TTN: variants seen among roughly 807,000 people sequenced by gnomAD.
The protein encoded by TTN is connectin.
Under a neutral mutation model 3,223.0 loss-of-function variants are expected in TTN, and 1,525 were observed. That is an observed-to-expected ratio of 0.47 (90% confidence interval 0.45 to 0.49). The LOEUF (loss-of-function observed/expected upper bound fraction) is 0.49. TTN is among the 20% of genes least tolerant of loss of function. The pLI is 0.00. For synonymous variants in TTN, 14,094 were observed against 15,161.0 expected (o/e 0.93, Z 5.17); for missense variants, 40,786 against 43,424.0 (o/e 0.94, Z 5.40).
rs560058694 is a variant in TTN at position 178,744,467 on chromosome 2, T to C, written c.11312-2546A>G. The C allele has an allele frequency of 4.9e-5, 42 of 858,888 alleles. No individual in the cohort carries two copies. The African/African-American group carries it at 7.5e-4, about 15-fold the overall frequency. 53.2% of individuals were successfully genotyped at this position (858,888 alleles called of 1,614,324 possible). On this transcript the variant is annotated intron_variant, in intron 47 of 362. Coordinates refer to ENST00000589042, the MANE Select transcript of TTN (RefSeq NM_001267550.2). Reference sequence around the variant, plus strand: ...GGTCCACATTAGTATATAGGTAAGATATTAAGGAGTATGTTAATTTACTGT... The same window carrying C: ...GGTCCACATTAGTATATAGGTAAGACATTAAGGAGTATGTTAATTTACTGT...
Position 178,732,290 on chromosome 2 carries a change from G to T in TTN, c.16679C>A (p.Ala5560Asp), listed in dbSNP as rs1203322735. 20 of 1,613,300 alleles carry T rather than the reference G, an allele frequency of 1.2e-5. No homozygotes were observed. The highest frequency in any genetic ancestry group is 6.7e-5 in the Admixed American group (4 of 59,994). ...EPSQLLKKGD[A>D]TQLACKVTGT... is the part of the protein sequence containing the mutation. ...AGTTACTTTGCAGGCTAGCTGGGTG[G>T]CATCTCCCTTCTTTAACAGCTGTGA... is the stretch of plus-strand genomic sequence containing the variant. Residue 5560 changes from alanine (A) to aspartate (D), a missense_variant, in exon 57 of 363, where the codon GCC becomes GAC. Physicochemically the swap from Ala to Asp is moderately radical, Grantham distance 126. Transcript: ENST00000589042.
intron 202 of TTN, 23 bp downstream of exon 202, chr2:178,652,435 A>C: frequency 6.2e-7 from 1 of 1,613,238 alleles, no homozygotes; most frequent in Non-Finnish European, 8.5e-7. Context: ...GATCATCTGA[A>C]GCCTAAAATC....
At chr2:178,791,910 T>C (rs2093525090) in intron 10 of TTN, among the ~76,000 whole-genome samples, 162 bp downstream of exon 10, 1 of 152,186 alleles carries the variant, frequency 6.6e-6, no homozygotes, top group Non-Finnish European at 1.5e-5. Flanking sequence ...AATGTGAACA[T>C]AATTTCCATC....
Position 178,580,019 on chromosome 2 carries a change from G to C in TTN, c.67268C>G (p.Ser22423Cys). 4.3e-6 allele frequency: 7 copies of C among 1,613,304 alleles called. No individual in the cohort carries two copies. The highest frequency in any genetic ancestry group is 5.9e-6 in the Non-Finnish European group (7 of 1,179,502). Residue 22423 changes from serine (S) to cysteine (C), a missense_variant, in exon 318 of 363, where the codon TCC becomes TGC. By Grantham distance (112) the Ser-to-Cys change is moderately radical (BLOSUM62 -1). Coordinates refer to ENST00000589042, the MANE Select transcript of TTN (RefSeq NM_001267550.2). ...FRVANLEEGK[S>C]YFFRVFAENE... The stretch of plus-strand genomic sequence containing the variant: ...TTCAGCAAACACTCGGAAGAAGTAG[G>C]ATTTTCCCTCCTCCAAATTAGCTAC...
At position 178,634,427 on chromosome 2, in the gene TTN, A is replaced by C; in HGVS notation, c.42354T>G (p.Asp14118Glu). ...CCACCTCAGCAGTATAGACCCCTTC[A>C]TCATCAAATTGAGAATCATTAATAA... Reference protein sequence around the residue: ...ILVINDSQFDDEGVYTAEVEG... With the variant: ...ILVINDSQFDEEGVYTAEVEG... The change falls in exon 230 of 363, where the codon GAT becomes GAG. Residue 14118 changes from aspartate (D) to glutamate (E), a missense_variant. By Grantham distance (45) the Asp-to-Glu change is conservative. Coordinates refer to ENST00000589042, the MANE Select transcript of TTN (RefSeq NM_001267550.2). The surrounding 1 kb of genome is among the most constrained non-coding windows in gnomAD (Gnocchi z 4.6). 2 of 1,613,084 alleles carry C rather than the reference A, an allele frequency of 1.2e-6. No individual in the cohort carries two copies. Among genetic ancestry groups the C allele is most frequent in the Non-Finnish European group, 1.7e-6 (2 of 1,179,474 alleles).
chr2:178,620,818 G>C lies in TTN; in HGVS notation c.45792C>G (p.Leu15264=), dbSNP rs754067884. The C allele has an allele frequency of 2.0e-5, 32 of 1,612,712 alleles. No individual in the cohort carries two copies. Among genetic ancestry groups the C allele is most frequent in the African/African-American group, 2.7e-5 (2 of 74,914 alleles). Residue 15264 remains leucine, a synonymous_variant, in exon 247 of 363, where the codon CTC becomes CTG. Coordinates refer to ENST00000589042, the MANE Select transcript of TTN (RefSeq NM_001267550.2). Reference sequence around the variant, plus strand: ...CATCTAAGTGTGCATCTCTAATTCTGAGGGTGTAGACTAGGTCTTTTTGGA... The same window carrying C: ...CATCTAAGTGTGCATCTCTAATTCTCAGGGTGTAGACTAGGTCTTTTTGGA... The part of the protein sequence containing the change: ...IILQKDLVYT[L]RIRDAHLDDQ...
At chr2:178,549,896 T>C (rs763248200) in intron 337 of TTN, 27 bp from the exon 338 acceptor site, 40 of 1,538,064 alleles carry the variant, frequency 2.6e-5, no homozygotes, top group Non-Finnish European at 3.2e-5. Context: ...CTAGAGTTAG[T>C]TTCTTTTTCC....
chr2:178,673,557 C>A, intron 152 of TTN, 76 bp downstream of exon 152: 1 of 1,206,022 alleles, frequency 8.3e-7, no homozygotes, highest in South Asian at 1.7e-5. Flanking sequence ...AGAAGGCAGT[C>A]AAAAAAGAAA....
chr2:178,697,519 T>C (rs2073950444), intron 112 of TTN, among the ~76,000 whole-genome samples: 2 of 152,138 alleles, frequency 1.3e-5, no homozygotes, highest in South Asian at 4.1e-4. Flanking sequence ...AATAACACAT[T>C]AGACTTTTTC....
intron 293 of TTN, 31 bp from the exon 294 acceptor site, chr2:178,597,850 T>A: frequency 6.2e-7 from 1 of 1,612,470 alleles, no homozygotes; most frequent in Admixed American, 1.7e-5. Context: ...CAAATGTGAT[T>A]TTTCCCCTTC....
chr2:178,722,718 G>T lies in TTN; in HGVS notation c.22181C>A (p.Thr7394Lys). The change falls in exon 76 of 363, where the codon ACA becomes AAA. Residue 7394 changes from threonine to lysine, a missense_variant. Thr to Lys is a moderately conservative substitution (Grantham distance 78, BLOSUM62 -1). Transcript: ENST00000589042. ...KVNINDSGEY[T>K]CKAENSIGTA... ...TCCTATACTATTTTCTGCTTTGCAT[G>T]TGTACTCTCCACTGTCATTGATGTT... 1 of 1,613,138 alleles carries T rather than the reference G, an allele frequency of 6.2e-7. No individual in the cohort carries two copies.
chr2:178,650,603 T>C, intron 209 of TTN, 148 bp downstream of exon 209: 1 of 836,472 alleles, frequency 1.2e-6, no homozygotes, highest in Non-Finnish European at 1.8e-6. Flanking sequence ...GATTTGAGAT[T>C]GGAGCTAATT....
Position 178,569,851 on chromosome 2 carries a change from GCTC to G in TTN, c.76278_76280del (p.Trp25426_Ser25427delinsCys). Reference sequence around the variant, plus strand: ...CACAGCCACCATCATATATTGGTTTGCTCCAAGAAAGGAATACTGAAGATCTGG... The same window carrying G: ...CACAGCCACCATCATATATTGGTTTGCAAGAAAGGAATACTGAAGATCTGG... On this transcript the variant is annotated inframe_deletion, in exon 326 of 363. Transcript: ENST00000589042. 1 of 1,613,362 alleles carries G rather than the reference GCTC, an allele frequency of 6.2e-7. No homozygotes were observed. The highest frequency in any genetic ancestry group is 8.5e-7 in the Non-Finnish European group (1 of 1,179,608).
Position 178,547,880 on chromosome 2 carries a change from C to A in TTN, c.93746G>T (p.Trp31249Leu). The change falls in exon 339 of 363, where the codon TGG (tryptophan) becomes TTG (leucine). Residue 31249 changes from tryptophan (W) to leucine (L), a missense_variant. Physicochemically the swap from Trp to Leu is moderately conservative, Grantham distance 61 (BLOSUM62 -2). Coordinates refer to ENST00000589042, the MANE Select transcript of TTN (RefSeq NM_001267550.2). ...ISGRPAPKVT[W>L]KLEEMRLKET... Reference sequence around the variant, plus strand: ...TTTAAGTCTCATTTCTTCCAGTTTCCATGTTACTTTGGGGGCAGGACGACC... The same window carrying A: ...TTTAAGTCTCATTTCTTCCAGTTTCAATGTTACTTTGGGGGCAGGACGACC... 6.2e-7 allele frequency: 1 copy of A among 1,613,766 alleles called. No individual in the cohort carries two copies. The highest frequency in any genetic ancestry group is 8.5e-7 in the Non-Finnish European group (1 of 1,179,820).
Position 178,669,347 on chromosome 2 carries a change from A to G in TTN, c.35545+26T>C, listed in dbSNP as rs753116930. On this transcript the variant is annotated intron_variant, in intron 159 of 362. Transcript: ENST00000589042. ...TTTAAGGACATAAATGAAACGAAAA[A>G]GAACCACTAATTTTTCTACACTCAC... The G allele has an allele frequency of 6.6e-6, 10 of 1,508,236 alleles. No homozygotes were observed. The East Asian group carries it at 2.0e-4, about 30-fold the overall frequency. The allele number at this position is 1,508,236 out of a possible 1,614,324, so 93.4% of individuals were successfully genotyped here.
At position 178,545,638 on chromosome 2, in the gene TTN, G is replaced by T; in HGVS notation, c.95472C>A (p.Ile31824=). The stretch of plus-strand genomic sequence containing the variant: ...ATTCAGGTTTTGTCCACTGAATGAT[G>T]ATATGCTCTTTGCCAGTCCCAACTT... ...PEEVGTGKEH[I]IIQWTKPESD... is the part of the protein sequence containing the mutation. The change falls in exon 344 of 363, where the codon ATC becomes ATA. Residue 31824 remains isoleucine (I), a synonymous_variant. Coordinates refer to ENST00000589042, the MANE Select transcript of TTN (RefSeq NM_001267550.2). 1 of 1,613,770 alleles carries T rather than the reference G, an allele frequency of 6.2e-7. No homozygotes were observed.
intron 9 of TTN, 117 bp from the exon 10 acceptor site, chr2:178,792,314 G>A (rs2093552116): frequency 1.0e-6 from 1 of 976,520 alleles, no homozygotes; most frequent in African/African-American, 1.7e-5. Context: ...TTCTGCAGAT[G>A]TCACTAAATA....
In TTN at chr2:178,717,679, G is replaced by T; in HGVS notation, c.25195C>A (p.Leu8399Ile). ...LQVSWYKDGV[L>I]LKDDANLQTS... ...TGCAAATTAGCATCATCTTTCAAAAGAACCCCATCCTTGTACCAAGACACT... is the reference window on the plus strand; with the variant it reads ...TGCAAATTAGCATCATCTTTCAAAATAACCCCATCCTTGTACCAAGACACT... Residue 8399 changes from leucine (L) to isoleucine (I), a missense_variant, in exon 87 of 363, where the codon CTT (leucine) becomes ATT (isoleucine). Physicochemically the swap from Leu to Ile is conservative, Grantham distance 5. Coordinates refer to ENST00000589042, the MANE Select transcript of TTN (RefSeq NM_001267550.2). 1 of 1,613,444 alleles carries T rather than the reference G, an allele frequency of 6.2e-7. No individual in the cohort carries two copies. Among genetic ancestry groups the T allele is most frequent in the Non-Finnish European group, 8.5e-7 (1 of 1,179,612 alleles).
intron 47 of TTN, chr2:178,746,692 A>G: frequency 1.2e-6 from 2 of 1,613,306 alleles, no homozygotes; most frequent in South Asian, 1.1e-5. Flanking sequence ...GTGAACACAC[A>G]TTACCCACTC....
Sources: gnomAD v4.1 joint callset for allele counts (sites outside exome capture counted in the v4.1 genomes callset) on GRCh38, gnomAD v4.1.1 for gene constraint, Gnocchi (gnomAD v3.1) non-coding constraint, MANE v1.5 for transcripts, NCBI Gene and HGNC (gene_info 2026-07-23, HGNC 2026-07-21) for gene names.